Variants in XPO6 observed in about 807,000 individuals in gnomAD.
The protein encoded by XPO6 is exportin-6.
Under a neutral mutation model 130.0 loss-of-function variants are expected in XPO6, and 3 were observed. That is an observed-to-expected ratio of 0.02 (90% CI 0.01 to 0.06). XPO6 has a LOEUF of 0.06. Among genes scored for constraint, XPO6 ranks in the 10% least tolerant of loss-of-function variants. XPO6 has a pLI of 1.00. For missense variants in XPO6, 970 were observed against 1,393.0 expected (o/e 0.70, Z 4.83); for synonymous variants, 524 against 548.9 (o/e 0.95, Z 0.63).
intron 4 of XPO6, among the ~76,000 whole-genome samples, chr16:28,171,446 C>T (rs751615743): frequency 6.2e-5 from 8 of 129,744 alleles, no homozygotes; most frequent in Non-Finnish European, 1.3e-4. Context: ...GAGCAAGACT[C>T]TGTCTCAAAA....
At chr16:28,190,893 G>GA (rs1278760174) in intron 1 of XPO6, among the ~76,000 whole-genome samples, 3 of 13,706 alleles carry the variant, frequency 2.2e-4, no homozygotes, top group Non-Finnish European at 4.3e-4. Context: ...TATAAAGAGG[G>GA]AACGTGCAAA....
At chr16:28,129,343 C>T (rs2042622093) in intron 12 of XPO6, among the ~76,000 whole-genome samples, 1 of 152,196 alleles carries the variant, frequency 6.6e-6, no homozygotes, top group Admixed American at 6.5e-5. Flanking sequence ...GGGGATAGGC[C>T]AGTGTCCCAC....
chr16:28,113,791 ATTTT>A (rs897463562), intron 15 of XPO6, among the ~76,000 whole-genome samples: 1 of 150,818 alleles, frequency 6.6e-6, no homozygotes, highest in Admixed American at 6.6e-5. Flanking sequence ...ATTCTTTATA[ATTTT>A]TTATTTTTTA....
At chr16:28,134,751 T>C (rs1449900267) in intron 10 of XPO6, among the ~76,000 whole-genome samples, 1 of 152,214 alleles carries the variant, frequency 6.6e-6, no homozygotes, top group Non-Finnish European at 1.5e-5. Flanking sequence ...CACATCAGCA[T>C]CAATAAATTC....
intron 8 of XPO6, among the ~76,000 whole-genome samples, chr16:28,149,702 A>T (rs1381730805): frequency 1.3e-5 from 2 of 152,202 alleles, no homozygotes; most frequent in Non-Finnish European, 2.9e-5. Context: ...GGCTTGCGTA[A>T]GTGCACTCTA....
chr16:28,116,957 A>G, intron 15 of XPO6: 1 of 203,790 alleles, frequency 4.9e-6, no homozygotes, highest in East Asian at 1.1e-4. Context: ...GTGAAGCGCA[A>G]TAAAGGGAAG....
chr16:28,101,478 G>A lies in XPO6; in HGVS notation c.3256C>T (p.Arg1086Trp), dbSNP rs892836058. The A allele has an allele frequency of 5.0e-6, 8 of 1,614,064 alleles. No homozygotes were observed. The highest frequency in any genetic ancestry group is 1.6e-4 in the Middle Eastern group (1 of 6,062). The stretch of plus-strand genomic sequence containing the variant: ...CTCACCCGATCCATCTTGAAATTCC[G>A]CCCCAGCACACTTTTCTGGTTGGCA... ...VDANQKSVLG[R>W]NFKMDRDLPS... is the part of the protein sequence containing the mutation. Residue 1086 changes from arginine (R) to tryptophan (W), a missense_variant, in exon 23 of 24, where the codon CGG (arginine) becomes TGG (tryptophan). By Grantham distance (101) the Arg-to-Trp change is moderately radical. Transcript: ENST00000304658. The surrounding 1 kb of genome is among the most constrained non-coding windows in gnomAD (Gnocchi z 5.4).
intron 17 of XPO6, chr16:28,111,600 G>T: frequency 2.1e-6 from 1 of 480,490 alleles, no homozygotes; most frequent in South Asian, 3.4e-5. Flanking sequence ...AATAAGAGAA[G>T]GGACAGTTTG....
chr16:28,133,293 C>T (rs750995794), intron 11 of XPO6, among the ~76,000 whole-genome samples: 1 of 152,028 alleles, frequency 6.6e-6, no homozygotes, highest in Non-Finnish European at 1.5e-5. Context: ...GCCAAGATCA[C>T]GCCACTGCAC....
intron 1 of XPO6, among the ~76,000 whole-genome samples, chr16:28,203,913 A>G (rs1200637050): frequency 6.6e-6 from 1 of 152,216 alleles, no homozygotes; most frequent in Non-Finnish European, 1.5e-5. Flanking sequence ...AAACCATCCA[A>G]CAAGAGAAAG....
intron 12 of XPO6, among the ~76,000 whole-genome samples, chr16:28,129,124 C>T (rs2042618158): frequency 2.0e-5 from 3 of 152,288 alleles, no homozygotes; most frequent in South Asian, 4.1e-4. Context: ...AACTGCAATT[C>T]CATACAGTTC....
rs139329056 is a variant in XPO6, at chr16:28,178,764, C to CA, written c.95-1433dup. ...TCCTATCTCTTAAAACAAAACAAAA[C>CA]AAAAAAAAAAAAACAAAAAAAGGCC... On this transcript the variant is annotated intron_variant, in intron 2 of 23. Transcript: ENST00000304658. 5.1e-3 allele frequency among the ~76,000 whole-genome samples: 711 copies of CA among 138,398 alleles called. 6 individuals are homozygous for CA. Among genetic ancestry groups the CA allele is most frequent in the African/African-American group, 0.017 (625 of 37,182 alleles). 90.8% of individuals were successfully genotyped at this position (138,398 alleles called of 152,430 possible). A position where few individuals can be genotyped will look rare whatever the true frequency, so the allele number is the denominator to read the frequency against.
intron 1 of XPO6, among the ~76,000 whole-genome samples, chr16:28,183,902 A>G (rs1244900014): frequency 6.6e-6 from 1 of 152,202 alleles, no homozygotes; most frequent in Non-Finnish European, 1.5e-5. Context: ...ATTTGCTAAC[A>G]TCACACAATC....
rs535894207 is a variant in XPO6, at chr16:28,162,576, T to TA, written c.643+3931_643+3932insT. ...ATATTTGTAATTTTTTTTTTTTTTT[T>TA]TTGGAGACAGGGTCTTGCTCTGTCG... On this transcript the variant is annotated intron_variant, in intron 6 of 23. Transcript: ENST00000304658. 1.6e-3 allele frequency among the ~76,000 whole-genome samples: 240 copies of TA among 151,950 alleles called. 1 individual carries two copies. The highest frequency in any genetic ancestry group is 7.9e-3 in the South Asian group (38 of 4,796).
chr16:28,117,212 A>G (rs1170869482), intron 15 of XPO6, 106 bp downstream of exon 15: 5 of 1,405,972 alleles, frequency 3.6e-6, no homozygotes, highest in Non-Finnish European at 4.9e-6. Flanking sequence ...AGAAAGATTT[A>G]TGGGTCTAAC....
intron 6 of XPO6, among the ~76,000 whole-genome samples, chr16:28,161,929 T>C (rs2043284529): frequency 6.6e-6 from 1 of 152,242 alleles, no homozygotes; most frequent in Non-Finnish European, 1.5e-5. Context: ...CAGAAAAATA[T>C]TCCTAATTGT....
intron 1 of XPO6, among the ~76,000 whole-genome samples, chr16:28,188,671 CAAAAAAAAA>C (rs144107071): frequency 3.3e-4 from 22 of 65,696 alleles, no homozygotes; most frequent in African/African-American, 9.6e-4. Context: ...TTCACCACTG[CAAAAAAAAA>C]AAAAAAAAAA....
chr16:28,138,315 G>T (rs553402524), intron 9 of XPO6, among the ~76,000 whole-genome samples: 2 of 152,298 alleles, frequency 1.3e-5, no homozygotes, highest in South Asian at 4.1e-4. Context: ...TCCTAGGAAA[G>T]AAAATCTACT....
intron 1 of XPO6, among the ~76,000 whole-genome samples, chr16:28,192,075 C>T (rs547006379): frequency 1.4e-4 from 21 of 152,084 alleles, no homozygotes; most frequent in Admixed American, 7.9e-4. Flanking sequence ...GCCTGGCCAA[C>T]ATGGTGAAAC....
Sources: gnomAD v4.1 joint callset for allele counts (sites outside exome capture counted in the v4.1 genomes callset) on GRCh38, gnomAD v4.1.1 for gene constraint, Gnocchi (gnomAD v3.1) non-coding constraint, MANE v1.5 for transcripts, NCBI Gene and HGNC (gene_info 2026-07-23, HGNC 2026-07-21) for gene names.